CADPS2: variants seen among roughly 807,000 people sequenced by gnomAD.
CADPS2 encodes the protein calcium dependent secretion activator 2, also known as calcium-dependent secretion activator 2.
A neutral mutation model predicts 172.5 loss-of-function variants in CADPS2; 93 were observed. That is an observed-to-expected ratio of 0.54 (90% CI 0.46 to 0.64). CADPS2 has a LOEUF of 0.64. Ranked by LOEUF, CADPS2 falls within the 30% of genes least tolerant of loss-of-function variation. The pLI is 0.00. For missense variants in CADPS2, 1,420 were observed against 1,565.9 expected (o/e 0.91, Z 1.57); for synonymous variants, 546 against 555.2 (o/e 0.98, Z 0.23).
At chr7:122,518,552 G>A (rs900756702) in intron 8 of CADPS2, among the ~76,000 whole-genome samples, 2 of 152,028 alleles carry the variant, frequency 1.3e-5, no homozygotes, top group Non-Finnish European at 1.5e-5. Context: ...TAAGAAATGC[G>A]TGTGTCAGGC....
intron 23 of CADPS2, among the ~76,000 whole-genome samples, chr7:122,387,419 C>A (rs1430661625): frequency 6.6e-6 from 1 of 151,916 alleles, no homozygotes; most frequent in African/African-American, 2.4e-5. Context: ...TATTGCCACC[C>A]AAATGAAGCT....
chr7:122,471,292 G>A (rs7781647), intron 14 of CADPS2, 83 bp downstream of exon 14: 72 of 791,122 alleles, frequency 9.1e-5, no homozygotes, highest in Non-Finnish European at 1.2e-4. Flanking sequence ...ATCTGTTACT[G>A]GGTGATAATC....
rs187338175 is a variant in CADPS2, at chr7:122,579,072, G to A, written c.1335+2107C>T. ...ATATACAATTGGAAATACTGAGTACGGAAGTTGGATACACAAATCTGAATC... is the reference window on the plus strand; with the variant it reads ...ATATACAATTGGAAATACTGAGTACAGAAGTTGGATACACAAATCTGAATC... On this transcript the variant is annotated intron_variant, in intron 7 of 29. Coordinates refer to ENST00000449022, the MANE Select transcript of CADPS2 (RefSeq NM_017954.11). Among the ~76,000 whole-genome samples the A allele has an allele frequency of 1.4e-3, 217 of 152,132 alleles. 2 individuals carry two copies. Among genetic ancestry groups the A allele is most frequent in the Non-Finnish European group, 2.2e-3 (150 of 67,990 alleles).
chr7:122,429,647 A>T (rs2049619364), intron 17 of CADPS2, among the ~76,000 whole-genome samples: 1 of 152,132 alleles, frequency 6.6e-6, no homozygotes. Flanking sequence ...GTGAGGATTC[A>T]GTTTAAGATA....
chr7:122,705,457 CTATATTA>C (rs1311003485), intron 2 of CADPS2, among the ~76,000 whole-genome samples: 3 of 123,266 alleles, frequency 2.4e-5, no homozygotes, highest in African/African-American at 9.4e-5. Context: ...TATATATTAT[CTATATTA>C]TATATTATAT....
chr7:122,812,076 G>A (rs1406784974), intron 1 of CADPS2, among the ~76,000 whole-genome samples: 1 of 150,712 alleles, frequency 6.6e-6, no homozygotes, highest in African/African-American at 2.4e-5. Context: ...GCAGATAGAA[G>A]TCCCAAAGGA....
In CADPS2 at chr7:122,821,310, G is replaced by A. The variant is rs542435748; in HGVS notation, c.339+64689C>T. On this transcript the variant is annotated intron_variant, in intron 1 of 29. Coordinates refer to ENST00000449022, the MANE Select transcript of CADPS2 (RefSeq NM_017954.11). ...GCTATATAGTACAAGCCACTAGCCC[G>A]CCTCTTAGAACCTCTCATTTCCTTT... 6.1e-3 allele frequency among the ~76,000 whole-genome samples: 934 copies of A among 152,032 alleles called. 9 individuals carry two copies. The highest frequency in any genetic ancestry group is 0.021 in the African/African-American group (887 of 41,466).
At chr7:122,552,246 TCA>T (rs891886858) in intron 8 of CADPS2, among the ~76,000 whole-genome samples, 1 of 152,162 alleles carries the variant, frequency 6.6e-6, no homozygotes, top group Non-Finnish European at 1.5e-5. Flanking sequence ...CATAACATCA[TCA>T]CAGATAATTT....
At chr7:122,516,233 A>C (rs2060364725) in intron 8 of CADPS2, among the ~76,000 whole-genome samples, 1 of 152,172 alleles carries the variant, frequency 6.6e-6, no homozygotes, top group African/African-American at 2.4e-5. Flanking sequence ...CATAAGAAAC[A>C]CATTGAAAAA....
intron 6 of CADPS2, among the ~76,000 whole-genome samples, chr7:122,593,118 C>T (rs981955665): frequency 2.0e-5 from 3 of 151,832 alleles, no homozygotes; most frequent in African/African-American, 7.3e-5. Context: ...GAATGGCTTT[C>T]TAGGCCATGA....
chr7:122,806,589 T>C (rs956156045), intron 1 of CADPS2, among the ~76,000 whole-genome samples: 4 of 152,174 alleles, frequency 2.6e-5, no homozygotes, highest in African/African-American at 9.7e-5. Context: ...ACCCGAATGA[T>C]TTTATCTTTC....
chr7:122,583,077 T>C (rs2069067423), intron 6 of CADPS2, among the ~76,000 whole-genome samples: 2 of 151,486 alleles, frequency 1.3e-5, no homozygotes, highest in African/African-American at 4.8e-5. Flanking sequence ...TAACAATGAA[T>C]GCGGAGGAAA....
At chr7:122,688,720 G>C (rs769785268) in intron 2 of CADPS2, among the ~76,000 whole-genome samples, 79 of 152,072 alleles carry the variant, frequency 5.2e-4, no homozygotes, top group Non-Finnish European at 1.2e-4. Flanking sequence ...TAGTGGCTTA[G>C]AGCCAAATGA....
intron 3 of CADPS2, among the ~76,000 whole-genome samples, chr7:122,630,377 C>CA (rs11357207): frequency 0.043 from 5,498 of 128,072 alleles, 138 homozygotes; most frequent in South Asian, 0.11. Flanking sequence ...TATGAAGAGT[C>CA]AAAAAAAAAA....
intron 7 of CADPS2, among the ~76,000 whole-genome samples, chr7:122,556,057 G>T (rs185174211): frequency 6.6e-6 from 1 of 152,112 alleles, no homozygotes; most frequent in East Asian, 1.9e-4. Flanking sequence ...TAGCTGTGTT[G>T]AATCCAGCAT....
intron 20 of CADPS2, among the ~76,000 whole-genome samples, chr7:122,406,446 T>C (rs2046647812): frequency 1.3e-5 from 2 of 151,658 alleles, no homozygotes; most frequent in African/African-American, 4.8e-5. Context: ...CCTTGGAGAG[T>C]CAGAGCAGAC....
At chr7:122,480,062 C>G (rs1021372716) in intron 12 of CADPS2, 9 of 469,014 alleles carry the variant, frequency 1.9e-5, no homozygotes, top group Non-Finnish European at 4.0e-5. Context: ...TACAGTTTAA[C>G]CAAAGAATGT....
At position 122,681,574 on chromosome 7, in the gene CADPS2, G is replaced by A. The variant is rs189835527; in HGVS notation, c.454-18005C>T. 1.5e-4 allele frequency: 231 copies of A among 1,494,086 alleles called. No homozygotes were observed. The African/African-American group carries it at 2.3e-3, about 15-fold the overall frequency. The allele number at this position is 1,494,086 out of a possible 1,614,324, so 92.6% of individuals were successfully genotyped here. On this transcript the variant is annotated intron_variant, in intron 2 of 29. Transcript: ENST00000449022. The stretch of plus-strand genomic sequence containing the variant: ...ATTCACAGCAAAGTAGTCAGGAATC[G>A]ATCTCGTGAAGCCCGCAAGGACCGA...
chr7:122,378,830 T>C (rs572553369), intron 25 of CADPS2: 20 of 152,602 alleles, frequency 1.3e-4, no homozygotes, highest in African/African-American at 4.8e-4. Flanking sequence ...AATCATCTAA[T>C]CACTAAATGA....
Sources: allele counts gnomAD v4.1 joint callset (sites outside exome capture counted in the v4.1 genomes callset), GRCh38; gene constraint gnomAD v4.1.1; transcripts MANE v1.5; gene names NCBI Gene and HGNC (gene_info 2026-07-23, HGNC 2026-07-21).